The following PDE3A variants were observed in gnomAD, a reference collection of about 807,000 sequenced individuals.
PDE3A encodes the protein phosphodiesterase 3A.
PDE3A carries 43 observed loss-of-function variants against 98.3 expected under a neutral mutation model. That is an observed-to-expected ratio of 0.44 (90% confidence interval 0.34 to 0.56). The LOEUF is 0.56. Ranked by LOEUF, PDE3A falls within the 20% of genes least tolerant of loss-of-function variation. The pLI, the probability that PDE3A is intolerant of heterozygous loss-of-function variation, is 0.01. For synonymous variants in PDE3A, 663 were observed against 567.9 expected (o/e 1.17, Z -2.38); for missense variants, 1,427 against 1,440.7 (o/e 0.99, Z 0.15).
In PDE3A at chr12:20,552,418, CG is replaced by C. The variant is rs1942237564; in HGVS notation, c.961-4240del. 3.7e-6 allele frequency: 6 copies of C among 1,612,864 alleles called. No homozygotes were observed. The East Asian group carries it at 1.3e-4, about 36-fold the overall frequency. Reference sequence around the variant, plus strand: ...CCCTTGGACGAAGGAGGGGAAGGACCGGATCAAGAAGCTGGGGCTGACCATG... The same window carrying C: ...CCCTTGGACGAAGGAGGGGAAGGACCGATCAAGAAGCTGGGGCTGACCATG... On this transcript the variant is annotated intron_variant, in intron 1 of 15. Coordinates refer to ENST00000359062, the MANE Select transcript of PDE3A (RefSeq NM_000921.5). This position sits in a 1 kb window ranked among gnomAD's most constrained non-coding sequence, Gnocchi z 5.1.
At chr12:20,530,496 T>C (rs1946605518) in intron 1 of PDE3A, among the ~76,000 whole-genome samples, 1 of 151,902 alleles carries the variant, frequency 6.6e-6, no homozygotes. Flanking sequence ...ATACTTTTTT[T>C]TTTTTTTTTA....
At chr12:20,633,243 T>G (rs1944422730) in intron 6 of PDE3A, among the ~76,000 whole-genome samples, 1 of 152,132 alleles carries the variant, frequency 6.6e-6, no homozygotes, top group Non-Finnish European at 1.5e-5. Context: ...GAGCCCATAA[T>G]GAGCTTTTAA....
intron 15 of PDE3A, among the ~76,000 whole-genome samples, chr12:20,668,610 G>T (rs1208860865): frequency 6.6e-5 from 10 of 152,110 alleles, no homozygotes; most frequent in Admixed American, 1.3e-4. Flanking sequence ...ACATGGCAGG[G>T]TACTCCAACA....
chr12:20,531,585 G>A (rs970987708), intron 1 of PDE3A, among the ~76,000 whole-genome samples: 1 of 151,942 alleles, frequency 6.6e-6, no homozygotes, highest in Admixed American at 6.6e-5. Flanking sequence ...TGTCTTATAC[G>A]TTTCTGTGAA....
At chr12:20,532,869 T>C (rs1410483676) in intron 1 of PDE3A, among the ~76,000 whole-genome samples, 1 of 151,330 alleles carries the variant, frequency 6.6e-6, no homozygotes, top group East Asian at 2.0e-4. Context: ...TTTGTATTTT[T>C]AGTAGAGACG....
intron 2 of PDE3A, among the ~76,000 whole-genome samples, chr12:20,595,337 C>G (rs916733146): frequency 6.6e-6 from 1 of 152,128 alleles, no homozygotes; most frequent in Admixed American, 6.6e-5. Context: ...CTCATTGACT[C>G]ACATTGACTT....
intron 1 of PDE3A, among the ~76,000 whole-genome samples, chr12:20,473,483 C>A (rs1242818370): frequency 1.3e-5 from 2 of 152,128 alleles, no homozygotes; most frequent in Non-Finnish European, 2.9e-5. Flanking sequence ...GTGTCTTCAA[C>A]AAACACTAGC....
chr12:20,515,789 G>A (rs1324177957), intron 1 of PDE3A, among the ~76,000 whole-genome samples: 37 of 142,440 alleles, frequency 2.6e-4, no homozygotes, highest in African/African-American at 6.2e-4. Flanking sequence ...CTGGAGTGCA[G>A]TGGCGGGATC....
intron 1 of PDE3A, among the ~76,000 whole-genome samples, chr12:20,538,606 A>G (rs1941813007): frequency 6.6e-6 from 1 of 152,160 alleles, no homozygotes. Context: ...AGGATGGACA[A>G]CTAGCATTTT....
rs901110605 is a variant in PDE3A at position 20,688,556 on chromosome 12, T to C, written c.*8285T>C. On this transcript the variant is annotated 3_prime_UTR_variant, in exon 16 of 16. Transcript: ENST00000359062. ...ATGTCGATGTTATGAGTGAAGATAA[T>C]GTATAATATAAAAATAATTCTGCAG... 6.6e-6 allele frequency among the ~76,000 whole-genome samples: 1 copy of C among 151,886 alleles called. No homozygotes were observed. The highest frequency in any genetic ancestry group is 1.5e-5 in the Non-Finnish European group (1 of 67,958).
chr12:20,449,015 G>A (rs1945012280), intron 1 of PDE3A, among the ~76,000 whole-genome samples: 1 of 152,124 alleles, frequency 6.6e-6, no homozygotes, highest in Admixed American at 6.6e-5. Flanking sequence ...CTTAACATAT[G>A]CATTTATCAC....
intron 1 of PDE3A, among the ~76,000 whole-genome samples, chr12:20,482,910 T>C (rs1945656096): frequency 6.6e-6 from 1 of 152,090 alleles, no homozygotes; most frequent in Non-Finnish European, 1.5e-5. Flanking sequence ...TGTGGAAAGA[T>C]TTTTTTCCTA....
chr12:20,465,640 A>T (rs2120944339), intron 1 of PDE3A, among the ~76,000 whole-genome samples: 1 of 152,062 alleles, frequency 6.6e-6, no homozygotes, highest in South Asian at 2.1e-4. Context: ...GGAACTCCTG[A>T]CCCCGTAATC....
chr12:20,535,756 T>G (rs1175431551), intron 1 of PDE3A, among the ~76,000 whole-genome samples: 1 of 152,194 alleles, frequency 6.6e-6, no homozygotes, highest in Non-Finnish European at 1.5e-5. Flanking sequence ...CATATAATAT[T>G]GGATATGTGA....
rs1945806388 is a variant in PDE3A, at chr12:20,682,228, T to A, written c.*1957T>A. The A allele has an allele frequency of 6.6e-6, 1 of 152,224 alleles. No individual in the cohort carries two copies. The highest frequency in any genetic ancestry group is 1.5e-5 in the Non-Finnish European group (1 of 68,034). The allele number at this position is 152,224 out of a possible 1,614,324, so 9.4% of individuals were successfully genotyped here. A position where few individuals can be genotyped will look rare whatever the true frequency, so the allele number is the denominator to read the frequency against. On this transcript the variant is annotated 3_prime_UTR_variant, in exon 16 of 16. Coordinates refer to ENST00000359062, the MANE Select transcript of PDE3A (RefSeq NM_000921.5). Reference sequence around the variant, plus strand: ...GTGTCCATTTCTTTCCAACACTGTTTGTTATGATTCTTCCTTGAGTACTTA... The same window carrying A: ...GTGTCCATTTCTTTCCAACACTGTTAGTTATGATTCTTCCTTGAGTACTTA...
chr12:20,514,344 T>C (rs778733442), intron 1 of PDE3A, among the ~76,000 whole-genome samples: 21 of 152,236 alleles, frequency 1.4e-4, no homozygotes, highest in Non-Finnish European at 1.6e-4. Flanking sequence ...TTTTATAAAC[T>C]GTACAGGAAC....
chr12:20,566,554 A>T (rs1942661839), intron 2 of PDE3A, among the ~76,000 whole-genome samples: 1 of 151,908 alleles, frequency 6.6e-6, no homozygotes, highest in African/African-American at 2.4e-5. Flanking sequence ...ACCTCTCAGA[A>T]AATTGTGGGT....
intron 1 of PDE3A, among the ~76,000 whole-genome samples, chr12:20,546,374 CA>C (rs546594865): frequency 1.6e-3 from 235 of 143,822 alleles, no homozygotes; most frequent in Admixed American, 2.1e-3. Flanking sequence ...AAAGGACCAC[CA>C]AAAAAAAAAA....
At chr12:20,671,134 C>T (rs1398826891) in intron 15 of PDE3A, among the ~76,000 whole-genome samples, 1 of 144,830 alleles carries the variant, frequency 6.9e-6, no homozygotes, top group Non-Finnish European at 1.5e-5. Flanking sequence ...ATACACTCTC[C>T]CAAGACTAAA....
Sources: gnomAD v4.1 joint callset for allele counts (sites outside exome capture counted in the v4.1 genomes callset) on GRCh38, gnomAD v4.1.1 for gene constraint, Gnocchi (gnomAD v3.1) non-coding constraint, MANE v1.5 for transcripts, NCBI Gene and HGNC (gene_info 2026-07-23, HGNC 2026-07-21) for gene names.